ZC3H6: variants seen among roughly 807,000 people sequenced by gnomAD.
ZC3H6 encodes zinc finger CCCH-type containing 6.
A neutral mutation model predicts 107.7 loss-of-function variants in ZC3H6; 40 were observed. That is an observed-to-expected ratio of 0.37 (90% CI 0.29 to 0.48). The LOEUF (loss-of-function observed/expected upper bound fraction) is 0.48, where lower values mean the gene tolerates loss of function less well. Ranked by LOEUF, ZC3H6 falls within the 20% of genes least tolerant of loss-of-function variation. ZC3H6 has a pLI of 0.98. For synonymous variants in ZC3H6, 493 were observed against 487.9 expected (o/e 1.01, Z -0.14); for missense variants, 1,267 against 1,410.4 (o/e 0.90, Z 1.63).
intron 5 of ZC3H6, among the ~76,000 whole-genome samples, chr2:112,314,387 G>T (rs891145772): frequency 1.3e-5 from 2 of 152,076 alleles, no homozygotes. Context: ...GTTTCCCATA[G>T]CTGTGGACAC....
At chr2:112,280,547 T>C (rs1257292952) in intron 1 of ZC3H6, among the ~76,000 whole-genome samples, 2 of 152,114 alleles carry the variant, frequency 1.3e-5, no homozygotes, top group African/African-American at 4.8e-5. Flanking sequence ...CATCATGAAC[T>C]TGCTCTCTGG....
At chr2:112,290,803 A>G (rs574221786) in intron 1 of ZC3H6, among the ~76,000 whole-genome samples, 21 of 152,380 alleles carry the variant, frequency 1.4e-4, no homozygotes, top group African/African-American at 2.2e-4. Flanking sequence ...GTTCCTTTAC[A>G]TAATTGTTTT....
intron 1 of ZC3H6, among the ~76,000 whole-genome samples, chr2:112,289,588 G>A (rs1036835535): frequency 1.2e-4 from 19 of 152,236 alleles, no homozygotes; most frequent in African/African-American, 4.3e-4. Flanking sequence ...GCCTCCCAAA[G>A]TGCTGGGATT....
intron 7 of ZC3H6, among the ~76,000 whole-genome samples, chr2:112,317,548 A>G (rs970322073): frequency 5.9e-5 from 9 of 152,174 alleles, no homozygotes; most frequent in African/African-American, 2.2e-4. Flanking sequence ...TTTGGAAAAA[A>G]TTCTGTGAAG....
At chr2:112,288,995 C>G (rs1676023447) in intron 1 of ZC3H6, among the ~76,000 whole-genome samples, 1 of 147,990 alleles carries the variant, frequency 6.8e-6, no homozygotes, top group Admixed American at 6.7e-5. Context: ...ACTGCCCACC[C>G]CCCCGCCACC....
chr2:112,308,311 CTA>C (rs1443228550), intron 3 of ZC3H6, among the ~76,000 whole-genome samples: 1 of 151,776 alleles, frequency 6.6e-6, no homozygotes, highest in Admixed American at 6.6e-5. Flanking sequence ...CATTTTTTCT[CTA>C]TTTTATAATT....
chr2:112,306,191 G>A (rs1008045539), intron 3 of ZC3H6, among the ~76,000 whole-genome samples: 9 of 48,082 alleles, frequency 1.9e-4, no homozygotes, highest in Non-Finnish European at 2.9e-4. Context: ...TTTTTTTTTT[G>A]AGACGGAGTC....
In ZC3H6 at chr2:112,337,796, T is replaced by G. The variant is rs1177139563; in HGVS notation, c.*5308T>G. On this transcript the variant is annotated 3_prime_UTR_variant, in exon 12 of 12. Coordinates refer to ENST00000409871, the MANE Select transcript of ZC3H6 (RefSeq NM_198581.3). ...CACCACACCCAGCTAATTTTTGTAT[T>G]TTTTTGGTAGAGACAGGGTTTGACC... The G allele has an allele frequency of 6.6e-6, 1 of 151,890 alleles. No homozygotes were observed. The highest frequency in any genetic ancestry group is 1.5e-5 in the Non-Finnish European group (1 of 68,010). 9.4% of individuals were successfully genotyped at this position (151,890 alleles called of 1,614,324 possible). A position where few individuals can be genotyped will look rare whatever the true frequency, so the allele number is the denominator to read the frequency against.
chr2:112,296,492 C>A (rs938994500), intron 1 of ZC3H6, among the ~76,000 whole-genome samples: 2 of 152,044 alleles, frequency 1.3e-5, no homozygotes, highest in Non-Finnish European at 2.9e-5. Flanking sequence ...CAAAAACATT[C>A]TTATACTTGT....
rs1293532391 is a variant in ZC3H6, at chr2:112,324,410, A to G, written c.1599A>G (p.Gly533=). 3.7e-6 allele frequency: 6 copies of G among 1,613,888 alleles called. No individual in the cohort carries two copies. Among genetic ancestry groups the G allele is most frequent in the African/African-American group, 1.3e-5 (1 of 74,930 alleles). ...TTGTAGGTCCTCAAAATCAAGCTGG[A>G]GTGCTTGTTCAACCAGACACATCTT... is the stretch of plus-strand genomic sequence containing the variant. ...PEIVGPQNQA[G]VLVQPDTSLT... Residue 533 remains glycine (G), a synonymous_variant, in exon 10 of 12, where the codon GGA becomes GGG. Coordinates refer to ENST00000409871, the MANE Select transcript of ZC3H6 (RefSeq NM_198581.3).
intron 7 of ZC3H6, among the ~76,000 whole-genome samples, chr2:112,319,694 G>A (rs1676766287): frequency 6.6e-6 from 1 of 151,910 alleles, no homozygotes; most frequent in Non-Finnish European, 1.5e-5. Flanking sequence ...GAATAGGTAT[G>A]GAAATATTTA....
intron 1 of ZC3H6, among the ~76,000 whole-genome samples, chr2:112,288,467 TAAAC>T (rs1266241546): frequency 2.5e-4 from 38 of 152,328 alleles, no homozygotes; most frequent in African/African-American, 8.2e-4. Flanking sequence ...TCTCAATCCT[TAAAC>T]AACTCTGCAG....
chr2:112,310,562 A>G (rs989047741), intron 4 of ZC3H6, among the ~76,000 whole-genome samples: 1 of 152,210 alleles, frequency 6.6e-6, no homozygotes, highest in South Asian at 2.1e-4. Flanking sequence ...GTGTGCATGG[A>G]CTATGAACAT....
chr2:112,281,892 G>A (rs1686532904), intron 1 of ZC3H6, among the ~76,000 whole-genome samples: 1 of 151,950 alleles, frequency 6.6e-6, no homozygotes. Context: ...TAGGTCACAG[G>A]ATGTACATTA....
In ZC3H6 at chr2:112,310,129, G is replaced by A. The variant is rs569846007; in HGVS notation, c.581G>A (p.Gly194Glu). 9 of 1,610,190 alleles carry A rather than the reference G, an allele frequency of 5.6e-6. No individual in the cohort carries two copies. The African/African-American group carries it at 9.4e-5, about 17-fold the overall frequency. ...ALGSSFSKES[G>E]KKQRMKGVQQ... ...GGGTCATCATTTTCTAAAGAATCAG[G>A]AAAAAAACAGAGAATGAAAGGAGTT... Residue 194 changes from glycine (G) to glutamate (E), a missense_variant, in exon 4 of 12, where the codon GGA becomes GAA. By Grantham distance (98) the Gly-to-Glu change is moderately conservative. Transcript: ENST00000409871.
intron 1 of ZC3H6, among the ~76,000 whole-genome samples, chr2:112,297,327 T>TTAAGATCA (rs1166041431): frequency 6.6e-6 from 1 of 152,258 alleles, no homozygotes; most frequent in African/African-American, 2.4e-5. Flanking sequence ...TGATCAGTTT[T>TTAAGATCA]GTATTTAAGA....
intron 1 of ZC3H6, among the ~76,000 whole-genome samples, chr2:112,278,611 GC>G (rs1686470718): frequency 6.6e-6 from 1 of 152,174 alleles, no homozygotes; most frequent in African/African-American, 2.4e-5. Flanking sequence ...GAGCCACTGT[GC>G]CCAGCCAAGG....
intron 10 of ZC3H6, 104 bp from the exon 11 acceptor site, chr2:112,324,860 T>C (rs1676877590): frequency 2.6e-6 from 3 of 1,153,528 alleles, no homozygotes; most frequent in Middle Eastern, 2.7e-4. Context: ...TTAAATGATA[T>C]AATTTGATAA....
intron 1 of ZC3H6, among the ~76,000 whole-genome samples, chr2:112,289,558 C>T (rs1676059978): frequency 6.6e-6 from 1 of 152,012 alleles, no homozygotes; most frequent in Non-Finnish European, 1.5e-5. Context: ...ATCTCCTGAC[C>T]TTGTGATCCG....
Sources: gnomAD v4.1 joint callset for allele counts (sites outside exome capture counted in the v4.1 genomes callset) on GRCh38, gnomAD v4.1.1 for gene constraint, MANE v1.5 for transcripts, NCBI Gene and HGNC (gene_info 2026-07-23, HGNC 2026-07-21) for gene names.